Variants in SLC25A48 observed in about 807,000 individuals in gnomAD.
The protein encoded by SLC25A48 is solute carrier family 25 member 48.
SLC25A48 carries 29 observed loss-of-function variants against 32.2 expected under a neutral mutation model. The observed-to-expected ratio is 0.90, with a 90% confidence interval of 0.67 to 1.23. The LOEUF is 1.23. Among genes scored for constraint, SLC25A48 ranks in the 50% most tolerant of loss-of-function variants. The pLI is 0.00. For synonymous variants in SLC25A48, 164 were observed against 172.3 expected, an observed-to-expected ratio of 0.95 and a Z score of 0.38; for missense variants, 399 against 422.7, an observed-to-expected ratio of 0.94 and a Z score of 0.49.
chr5:135,630,211 G>A (rs1006415611), intron 2 of SLC25A48, among the ~76,000 whole-genome samples: 2 of 152,144 alleles, frequency 1.3e-5, no homozygotes, highest in Non-Finnish European at 2.9e-5. Flanking sequence ...GGGTACCCCT[G>A]GGCTCAGCAA....
Position 135,811,324 on chromosome 5 carries a change from G to A in SLC25A48, c.-520-1199G>A, listed in dbSNP as rs78800826. On this transcript the variant is annotated intron_variant, in intron 3 of 10. Coordinates refer to the SLC25A48 transcript ENST00000646290. ...AAGTGAAATAAGTCAGGCCCAGAAA[G>A]ACAAATATCTCATGATCTCACATAT... 5.1e-4 allele frequency among the ~76,000 whole-genome samples: 77 copies of A among 152,312 alleles called. 2 individuals carry two copies. The East Asian group carries it at 0.013, about 26-fold the overall frequency.
chr5:135,737,016 T>C lies in SLC25A48; in HGVS notation c.-520-75507T>C, dbSNP rs896320875. 2.6e-5 allele frequency among the ~76,000 whole-genome samples: 4 copies of C among 152,138 alleles called. No individual in the cohort carries two copies. In the East Asian group the frequency reaches 5.8e-4, roughly 22 times the overall value. On this transcript the variant is annotated intron_variant, in intron 3 of 10. Coordinates refer to the SLC25A48 transcript ENST00000646290. ...CGAGGTCGTAGGTGGATCTCTCTCA[T>C]GGAGTAAAGAGCAGGAGGACAGAGG... is the stretch of plus-strand genomic sequence containing the variant.
At chr5:135,592,374 T>C (rs1405614342) in intron 1 of SLC25A48, among the ~76,000 whole-genome samples, 3 of 152,298 alleles carry the variant, frequency 2.0e-5, no homozygotes, top group East Asian at 3.9e-4. Context: ...ATCTTGACTT[T>C]GTTCTGTCTC....
At chr5:135,742,630 C>T (rs1057061394) in intron 3 of SLC25A48, 16 of 647,206 alleles carry the variant, frequency 2.5e-5, no homozygotes, top group South Asian at 6.1e-5. Context: ...GGTTTCTGAC[C>T]GAACCTCGAA....
At chr5:135,703,146 A>G (rs1238503531) in intron 3 of SLC25A48, among the ~76,000 whole-genome samples, 2 of 152,260 alleles carry the variant, frequency 1.3e-5, no homozygotes, top group African/African-American at 2.4e-5. Context: ...TAGCAGAGGC[A>G]GATGCACAGG....
chr5:135,874,530 C>A, intron 6 of SLC25A48: 1 of 565,020 alleles, frequency 1.8e-6, no homozygotes, highest in Non-Finnish European at 3.1e-6. Context: ...CTCCTCCTCC[C>A]AGTGGGAAGT....
intron 3 of SLC25A48, among the ~76,000 whole-genome samples, chr5:135,789,142 G>A (rs1211542286): frequency 1.3e-5 from 2 of 151,312 alleles, no homozygotes; most frequent in African/African-American, 2.4e-5. Flanking sequence ...GATATGGTTC[G>A]TAATATCCAG....
At chr5:135,715,304 T>A (rs1045922754) in intron 3 of SLC25A48, among the ~76,000 whole-genome samples, 3 of 152,202 alleles carry the variant, frequency 2.0e-5, no homozygotes, top group African/African-American at 7.2e-5. Flanking sequence ...GCATAAGCTG[T>A]GAGTCACTAT....
chr5:135,704,153 C>T (rs1159944460), intron 3 of SLC25A48, among the ~76,000 whole-genome samples: 6 of 152,156 alleles, frequency 3.9e-5, no homozygotes, highest in Non-Finnish European at 7.3e-5. Flanking sequence ...AGAGGCTCAG[C>T]GGGAGAGAGG....
At chr5:135,846,967 C>T (rs1218249734) in intron 2 of SLC25A48, among the ~76,000 whole-genome samples, 2 of 152,086 alleles carry the variant, frequency 1.3e-5, no homozygotes, top group Admixed American at 1.3e-4. Flanking sequence ...TTAATTTTAT[C>T]TTACTTGATA....
At chr5:135,874,611 C>A in intron 6 of SLC25A48, 1 of 675,392 alleles carries the variant, frequency 1.5e-6, no homozygotes, top group Non-Finnish European at 2.7e-6. Flanking sequence ...TGTGAACTGC[C>A]TTCTGCTCTC....
chr5:135,723,145 C>A (rs1168027569), intron 3 of SLC25A48, among the ~76,000 whole-genome samples: 3 of 152,216 alleles, frequency 2.0e-5, no homozygotes, highest in African/African-American at 7.2e-5. Context: ...TTCTAGCAAG[C>A]TCAATTCCAA....
At chr5:135,816,425 G>A (rs1204214864) in intron 4 of SLC25A48, among the ~76,000 whole-genome samples, 2 of 151,994 alleles carry the variant, frequency 1.3e-5, no homozygotes, top group Non-Finnish European at 2.9e-5. Context: ...TAAACACTTC[G>A]CTTCAGAATC....
chr5:135,795,890 C>G (rs1350673818), intron 3 of SLC25A48, among the ~76,000 whole-genome samples: 1 of 129,314 alleles, frequency 7.7e-6, no homozygotes, highest in South Asian at 2.5e-4. Flanking sequence ...TCATAATATC[C>G]GTGGCGGGGG....
intron 7 of SLC25A48, among the ~76,000 whole-genome samples, chr5:135,881,577 C>T (rs918584349): frequency 6.6e-6 from 1 of 152,246 alleles, no homozygotes; most frequent in African/African-American, 2.4e-5. Flanking sequence ...TGAAGAATTA[C>T]TGCATTTGGG....
chr5:135,703,275 A>G (rs1299098102), intron 3 of SLC25A48, among the ~76,000 whole-genome samples: 1 of 152,202 alleles, frequency 6.6e-6, no homozygotes, highest in African/African-American at 2.4e-5. Context: ...GAAATGTTCA[A>G]TCACTACTCA....
intron 1 of SLC25A48, among the ~76,000 whole-genome samples, chr5:135,604,176 C>T (rs1404436888): frequency 6.6e-6 from 1 of 152,156 alleles, no homozygotes; most frequent in Non-Finnish European, 1.5e-5. Context: ...CAACCCCAGC[C>T]CGTCTGAGTC....
In SLC25A48 at chr5:135,871,709, G is replaced by A. The variant is rs534483785; in HGVS notation, c.670G>A (p.Gly224Ser). Residue 224 changes from glycine (G) to serine (S), a missense_variant, in exon 5 of 8, where the codon GGC (glycine) becomes AGC (serine). Transcript: ENST00000681962. The stretch of plus-strand genomic sequence containing the variant: ...CCCCTGTGCCGTGTGGCTGGCGGGC[G>A]GCATGGCAGGTAAGGGCAGCAGCAG... ...PSPCAVWLAG[G>S]MAGAISWGTA... The A allele has an allele frequency of 3.1e-5, 50 of 1,613,520 alleles. No individual in the cohort carries two copies. Among genetic ancestry groups the A allele is most frequent in the African/African-American group, 8.0e-5 (6 of 75,052 alleles).
At chr5:135,879,659 A>G (rs1023154724) in intron 6 of SLC25A48, among the ~76,000 whole-genome samples, 1 of 151,392 alleles carries the variant, frequency 6.6e-6, no homozygotes, top group African/African-American at 2.4e-5. Context: ...TGAGAGAAGA[A>G]GAAAGAGAGG....
Sources: gnomAD v4.1 joint callset for allele counts (sites outside exome capture counted in the v4.1 genomes callset) on GRCh38, gnomAD v4.1.1 for gene constraint, MANE v1.5 for transcripts, NCBI Gene and HGNC (gene_info 2026-07-23, HGNC 2026-07-21) for gene names.